NCK2: variants seen among roughly 807,000 people sequenced by gnomAD.
NCK2 encodes the protein cytoplasmic protein NCK2.
In NCK2, 16 loss-of-function variants were observed where a neutral mutation model predicts 33.9. The observed-to-expected ratio is 0.47, with a 90% CI of 0.32 to 0.72. NCK2 has a LOEUF of 0.72. NCK2 is among the 30% of genes least tolerant of loss of function. The pLI, the probability that NCK2 is intolerant of heterozygous loss-of-function variation, is 0.03. For missense variants in NCK2, 418 were observed against 537.3 expected (o/e 0.78, Z 2.19); for synonymous variants, 273 against 239.9 (o/e 1.14, Z -1.27).
intron 3 of NCK2, among the ~76,000 whole-genome samples, chr2:105,870,148 G>A (rs996573258): frequency 9.2e-5 from 14 of 152,162 alleles, no homozygotes; most frequent in South Asian, 2.1e-4. Flanking sequence ...GAAGACACTC[G>A]GCCCCACCTG....
intron 3 of NCK2, chr2:105,855,886 G>C (rs547959606): frequency 1.4e-5 from 2 of 146,880 alleles, no homozygotes; most frequent in Non-Finnish European, 3.0e-5. Context: ...CCAGGCTGGA[G>C]TGCAGTGGCA....
At chr2:105,840,375 A>G (rs1397706203) in intron 2 of NCK2, among the ~76,000 whole-genome samples, 2 of 152,188 alleles carry the variant, frequency 1.3e-5, no homozygotes, top group Non-Finnish European at 2.9e-5. Flanking sequence ...TGTTAATGAA[A>G]TAAGGAGGGC....
chr2:105,879,798 G>A (rs1002924912), intron 3 of NCK2, among the ~76,000 whole-genome samples: 12 of 152,232 alleles, frequency 7.9e-5, no homozygotes, highest in African/African-American at 2.9e-4. Flanking sequence ...AGAAGCACAA[G>A]TAATTCTTAG....
chr2:105,809,227 C>T (rs1675201892), intron 1 of NCK2, among the ~76,000 whole-genome samples: 1 of 152,150 alleles, frequency 6.6e-6, no homozygotes, highest in Admixed American at 6.5e-5. Context: ...CTTGCATTTG[C>T]TCACACAAGG....
chr2:105,791,120 T>A (rs1365364985), intron 1 of NCK2, among the ~76,000 whole-genome samples: 3 of 152,172 alleles, frequency 2.0e-5, no homozygotes, highest in Non-Finnish European at 4.4e-5. Context: ...TGGAAGCCCC[T>A]GCGGCCCTGG....
chr2:105,816,212 A>G (rs1675481284), intron 1 of NCK2, among the ~76,000 whole-genome samples: 1 of 152,236 alleles, frequency 6.6e-6, no homozygotes, highest in African/African-American at 2.4e-5. Context: ...AGACTTAGGC[A>G]GGAGGATCAC....
intron 1 of NCK2, among the ~76,000 whole-genome samples, chr2:105,761,506 A>G (rs1689763168): frequency 6.6e-6 from 1 of 152,138 alleles, no homozygotes; most frequent in South Asian, 2.1e-4. Context: ...ACCATTATAC[A>G]CAGATGAGAG....
intron 1 of NCK2, among the ~76,000 whole-genome samples, chr2:105,757,165 G>A (rs898351275): frequency 6.6e-6 from 1 of 152,106 alleles, no homozygotes; most frequent in African/African-American, 2.4e-5. Flanking sequence ...TGATTCTTAC[G>A]AGGAATAGAG....
chr2:105,838,591 T>C (rs4851094), intron 2 of NCK2, among the ~76,000 whole-genome samples: 40,779 of 152,184 alleles, frequency 0.27, 6,252 homozygotes, highest in East Asian at 0.44. Context: ...CCTTATTATG[T>C]AGAATAACAA....
chr2:105,808,177 C>T (rs1675157498), intron 1 of NCK2, among the ~76,000 whole-genome samples: 3 of 152,160 alleles, frequency 2.0e-5, no homozygotes, highest in Non-Finnish European at 4.4e-5. Context: ...GGATTACAGG[C>T]GTGAGCCACT....
intron 2 of NCK2, among the ~76,000 whole-genome samples, chr2:105,827,417 A>G (rs1319113690): frequency 6.6e-6 from 1 of 152,152 alleles, no homozygotes; most frequent in African/African-American, 2.4e-5. Context: ...AGATCTCCAT[A>G]CTCTTCTCAA....
intron 2 of NCK2, chr2:105,854,785 AGTTT>A (rs1677194972): frequency 3.0e-6 from 1 of 333,542 alleles, no homozygotes. Flanking sequence ...ATTTTTTTCA[AGTTT>A]GTTTTTGTTA....
chr2:105,862,944 A>G (rs1558875363), intron 3 of NCK2, among the ~76,000 whole-genome samples: 1 of 151,744 alleles, frequency 6.6e-6, no homozygotes, highest in African/African-American at 2.4e-5. Flanking sequence ...AGTTTGGCAT[A>G]AGCCTTTAAG....
At chr2:105,817,273 T>C (rs1039093640) in intron 2 of NCK2, among the ~76,000 whole-genome samples, 1 of 152,110 alleles carries the variant, frequency 6.6e-6, no homozygotes, top group African/African-American at 2.4e-5. Flanking sequence ...TTGTGTATGT[T>C]ACAATAAAAT....
intron 1 of NCK2, among the ~76,000 whole-genome samples, chr2:105,787,926 T>TCCCTGGCC (rs376825604): frequency 2.1e-5 from 3 of 145,102 alleles, no homozygotes; most frequent in African/African-American, 7.9e-5. Flanking sequence ...GACTTGTAGA[T>TCCCTGGCC]CCCTGGCCCA....
At chr2:105,892,881 G>T in intron 4 of NCK2, 101 bp from the exon 5 acceptor site, 1 of 901,264 alleles carries the variant, frequency 1.1e-6, no homozygotes, top group Non-Finnish European at 1.7e-6. Flanking sequence ...CAGTGTTTGA[G>T]CAATGGGTGG....
intron 1 of NCK2, among the ~76,000 whole-genome samples, chr2:105,764,936 G>A (rs1394429686): frequency 6.6e-6 from 1 of 152,066 alleles, no homozygotes; most frequent in Non-Finnish European, 1.5e-5. Context: ...TAAGTAGTGT[G>A]CTCATTTGGA....
chr2:105,849,518 C>T (rs868709114), intron 2 of NCK2, among the ~76,000 whole-genome samples: 2 of 152,164 alleles, frequency 1.3e-5, no homozygotes, highest in Non-Finnish European at 2.9e-5. Context: ...TCTCCTTCAG[C>T]TTCCCATTAA....
At chr2:105,783,246 G>A (rs547484780) in intron 1 of NCK2, among the ~76,000 whole-genome samples, 2 of 152,300 alleles carry the variant, frequency 1.3e-5, no homozygotes, top group East Asian at 3.9e-4. Flanking sequence ...TAATGGCAGT[G>A]GAATGTTCTG....
Sources: allele counts gnomAD v4.1 joint callset (sites outside exome capture counted in the v4.1 genomes callset), GRCh38; gene constraint gnomAD v4.1.1; transcripts MANE v1.5; gene names NCBI Gene and HGNC (gene_info 2026-07-23, HGNC 2026-07-21).